TRPC4: variants seen among roughly 807,000 people sequenced by gnomAD.
The protein encoded by TRPC4 is transient receptor potential cation channel subfamily C member 4.
Under a neutral mutation model 99.4 loss-of-function variants are expected in TRPC4, and 49 were observed. The observed-to-expected ratio is 0.49, with a 90% CI of 0.39 to 0.63. The LOEUF (loss-of-function observed/expected upper bound fraction) is 0.63. Among genes scored for constraint, TRPC4 ranks in the 20% least tolerant of loss-of-function variants. TRPC4 has a pLI of 0.00. For synonymous variants in TRPC4, 454 were observed against 425.9 expected (o/e 1.07, Z -0.81); for missense variants, 898 against 1,152.9 (o/e 0.78, Z 3.20).
At chr13:37,738,071 C>T (rs866630849) in intron 3 of TRPC4, among the ~76,000 whole-genome samples, 4 of 152,224 alleles carry the variant, frequency 2.6e-5, no homozygotes, top group South Asian at 4.1e-4. Context: ...AGGTCTACTC[C>T]TCCATTTTAA....
intron 2 of TRPC4, among the ~76,000 whole-genome samples, chr13:37,779,389 T>A (rs1956782373): frequency 6.6e-6 from 1 of 151,518 alleles, no homozygotes; most frequent in South Asian, 2.1e-4. Context: ...TGCTGTCTCC[T>A]ATGGGAAAGA....
chr13:37,722,335 T>C (rs1954898603), intron 3 of TRPC4, among the ~76,000 whole-genome samples: 3 of 152,204 alleles, frequency 2.0e-5, no homozygotes, highest in Admixed American at 1.3e-4. Flanking sequence ...TAAAATAACC[T>C]TCTTCCACCA....
chr13:37,731,419 G>A (rs575695344), intron 3 of TRPC4, among the ~76,000 whole-genome samples: 2 of 152,028 alleles, frequency 1.3e-5, no homozygotes, highest in East Asian at 1.9e-4. Context: ...TTCCTCTAGA[G>A]TTTAAAGTGC....
chr13:37,741,081 G>A (rs941602246), intron 3 of TRPC4, among the ~76,000 whole-genome samples: 4 of 152,112 alleles, frequency 2.6e-5, no homozygotes, highest in Admixed American at 6.6e-5. Context: ...GAATTGTAAT[G>A]TTTTTAGACA....
intron 1 of TRPC4, among the ~76,000 whole-genome samples, chr13:37,804,863 C>T (rs1957490773): frequency 6.6e-6 from 1 of 151,916 alleles, no homozygotes; most frequent in Non-Finnish European, 1.5e-5. Flanking sequence ...CACTTAAAGA[C>T]ACATAAAAGA....
intron 3 of TRPC4, among the ~76,000 whole-genome samples, chr13:37,728,884 G>A (rs1955153194): frequency 6.6e-6 from 1 of 152,038 alleles, no homozygotes; most frequent in Admixed American, 6.6e-5. Context: ...TCACATATGT[G>A]ATCAAATTGT....
chr13:37,732,698 A>C (rs1244808648), intron 3 of TRPC4, among the ~76,000 whole-genome samples: 1 of 152,158 alleles, frequency 6.6e-6, no homozygotes, highest in Non-Finnish European at 1.5e-5. Flanking sequence ...AACAAAATCA[A>C]GAAGGCAATT....
At chr13:37,661,798 A>G (rs886860849) in intron 6 of TRPC4, among the ~76,000 whole-genome samples, 1 of 147,666 alleles carries the variant, frequency 6.8e-6, no homozygotes, top group Admixed American at 6.7e-5. Flanking sequence ...ACCACAAATA[A>G]GACGGGAGCC....
chr13:37,686,481 T>C (rs541582501), intron 4 of TRPC4, among the ~76,000 whole-genome samples: 2 of 152,140 alleles, frequency 1.3e-5, no homozygotes, highest in Non-Finnish European at 2.9e-5. Context: ...ATCCATATAG[T>C]ATTATTTGAC....
intron 4 of TRPC4, among the ~76,000 whole-genome samples, chr13:37,688,826 A>AG (rs1953581214): frequency 1.3e-5 from 2 of 152,134 alleles, no homozygotes; most frequent in African/African-American, 4.8e-5. Context: ...TAACATGATG[A>AG]GGGGACACAC....
chr13:37,737,106 T>C (rs1298224554), intron 3 of TRPC4, among the ~76,000 whole-genome samples: 1 of 151,948 alleles, frequency 6.6e-6, no homozygotes, highest in Admixed American at 6.6e-5. Flanking sequence ...AGTATTAAAA[T>C]GTTAAATGAT....
At chr13:37,834,254 T>G (rs1831801) in intron 1 of TRPC4, among the ~76,000 whole-genome samples, 38,652 of 152,178 alleles carry the variant, frequency 0.25, 5,407 homozygotes, top group East Asian at 0.43. Flanking sequence ...ATTTTTTCAC[T>G]CTTATGCATC....
At position 37,746,465 on chromosome 13, in the gene TRPC4, A is replaced by T. The variant is rs748919392; in HGVS notation, c.379-10T>A. On this transcript the variant is annotated splice_polypyrimidine_tract_variant and intron_variant, in intron 2 of 10. Transcript: ENST00000379705. ...GGAGTATAGGAGGCACCTAAAAAAA[A>T]AAAAGGCAGAGGTGATGAATATTTA... 3.2e-6 allele frequency: 5 copies of T among 1,581,812 alleles called. No homozygotes were observed. The highest frequency in any genetic ancestry group is 4.3e-6 in the Non-Finnish European group (5 of 1,168,414).
At chr13:37,722,681 T>C (rs763862604) in intron 3 of TRPC4, among the ~76,000 whole-genome samples, 7 of 152,182 alleles carry the variant, frequency 4.6e-5, no homozygotes, top group Non-Finnish European at 8.8e-5. Context: ...GGTTTCAAAA[T>C]ATGTAGTTTA....
Position 37,727,579 on chromosome 13 carries a change from T to C in TRPC4, c.897+18358A>G, listed in dbSNP as rs896458420. Among the ~76,000 whole-genome samples, 3 of 151,608 alleles carry C rather than the reference T, an allele frequency of 2.0e-5. No individual in the cohort carries two copies. The East Asian group carries it at 5.8e-4, about 29-fold the overall frequency. The stretch of plus-strand genomic sequence containing the variant: ...AAGATGAAAGCAGAGATAAACAAAA[T>C]AGAGAATAGAAAACAGAGACAATCA... On this transcript the variant is annotated intron_variant, in intron 3 of 10. Coordinates refer to ENST00000379705, the MANE Select transcript of TRPC4 (RefSeq NM_016179.4).
At chr13:37,820,600 G>A (rs540950022) in intron 1 of TRPC4, among the ~76,000 whole-genome samples, 1 of 152,150 alleles carries the variant, frequency 6.6e-6, no homozygotes, top group Admixed American at 6.6e-5. Flanking sequence ...TGATCAAGTA[G>A]GCTTTATCCC....
chr13:37,700,657 C>A (rs1954076579), intron 3 of TRPC4, among the ~76,000 whole-genome samples: 1 of 152,058 alleles, frequency 6.6e-6, no homozygotes, highest in South Asian at 2.1e-4. Context: ...TGTTCCAGAC[C>A]TTAGAAAATA....
chr13:37,649,008 T>C (rs1951937698), intron 8 of TRPC4, among the ~76,000 whole-genome samples: 1 of 268 alleles, frequency 3.7e-3, no homozygotes, highest in African/African-American at 4.4e-3. Context: ...GAGTAGGTAT[T>C]TTTTTTTTTT....
chr13:37,791,202 G>A (rs1205351446), intron 1 of TRPC4, among the ~76,000 whole-genome samples: 1 of 151,764 alleles, frequency 6.6e-6, no homozygotes, highest in Non-Finnish European at 1.5e-5. Flanking sequence ...GACCAGCCTG[G>A]CCAAAATAGT....
Sources: gnomAD v4.1 joint callset for allele counts (sites outside exome capture counted in the v4.1 genomes callset) on GRCh38, gnomAD v4.1.1 for gene constraint, MANE v1.5 for transcripts, NCBI Gene and HGNC (gene_info 2026-07-23, HGNC 2026-07-21) for gene names.